DMTN: variants seen among roughly 807,000 people sequenced by gnomAD.
DMTN encodes the protein dematin actin binding protein.
DMTN carries 27 observed loss-of-function variants against 59.4 expected under a neutral mutation model. That is an observed-to-expected ratio of 0.45 (90% CI 0.33 to 0.63). The LOEUF is 0.63. Ranked by LOEUF, DMTN falls within the 20% of genes least tolerant of loss-of-function variation. DMTN has a pLI of 0.02. For synonymous variants in DMTN, 221 were observed against 203.7 expected (o/e 1.08, Z -0.72); for missense variants, 451 against 528.9 (o/e 0.85, Z 1.45).
rs1803803290 is a variant in DMTN at position 22,058,192 on chromosome 8, C to T, written c.-172+1056C>T. On this transcript the variant is annotated intron_variant, in intron 1 of 15. Coordinates refer to ENST00000358242, the MANE Select transcript of DMTN (RefSeq NM_001387751.1). The surrounding 1 kb of genome is among the most constrained non-coding windows in gnomAD (Gnocchi z 4.3). ...CAGCGCGGGCGCTTCTGCCTGTGCCCACCTGTCCATCTTGTGTCCGTGCTG... is the reference window on the plus strand; with the variant it reads ...CAGCGCGGGCGCTTCTGCCTGTGCCTACCTGTCCATCTTGTGTCCGTGCTG... 6.6e-6 allele frequency among the ~76,000 whole-genome samples: 1 copy of T among 152,094 alleles called. No individual in the cohort carries two copies. The highest frequency in any genetic ancestry group is 2.1e-4 in the South Asian group (1 of 4,814).
At chr8:22,057,659 A>AGGCT (rs2130225147) in intron 1 of DMTN, among the ~76,000 whole-genome samples, 1 of 152,134 alleles carries the variant, frequency 6.6e-6, no homozygotes, top group South Asian at 2.1e-4. Context: ...GTGAAGAGTG[A>AGGCT]GGCTGTGGCA....
intron 14 of DMTN, 72 bp downstream of exon 14, chr8:22,080,942 C>T (rs1375824752): frequency 4.0e-6 from 6 of 1,513,000 alleles, no homozygotes; most frequent in Non-Finnish European, 4.5e-6. Context: ...GTGGAATGTG[C>T]TGCGGGGTCT....
intron 1 of DMTN, among the ~76,000 whole-genome samples, chr8:22,064,740 G>A (rs1018245819): frequency 6.6e-6 from 1 of 152,188 alleles, no homozygotes; most frequent in East Asian, 1.9e-4. Context: ...TTACAGGTGT[G>A]AGCCACCGCG....
upstream of DMTN, among the ~76,000 whole-genome samples, chr8:22,051,058 T>G (rs1219838692): frequency 1.3e-5 from 2 of 152,174 alleles, no homozygotes; most frequent in Non-Finnish European, 1.5e-5. Context: ...CACACCTGGC[T>G]TCAGCAACCC....
In DMTN at chr8:22,067,531, A is replaced by G; in HGVS notation, c.98A>G (p.Lys33Arg). 6.2e-7 allele frequency: 1 copy of G among 1,614,210 alleles called. No individual in the cohort carries two copies. Among genetic ancestry groups the G allele is most frequent in the Non-Finnish European group, 8.5e-7 (1 of 1,180,028 alleles). Reference sequence around the variant, plus strand: ...CACGCGCACCTTTCCCTTCAGGCCAAGATGGACAATCAGGTGCTGGGCTAC... The same window carrying G: ...CACGCGCACCTTTCCCTTCAGGCCAGGATGGACAATCAGGTGCTGGGCTAC... Reference protein sequence around the residue: ...VPGSPSSIVAKMDNQVLGYKD... With the variant: ...VPGSPSSIVARMDNQVLGYKD... Residue 33 changes from lysine (K) to arginine (R), a missense_variant, in exon 4 of 16, where the codon AAG becomes AGG. Physicochemically the swap from Lys to Arg is conservative, Grantham distance 26. Transcript: ENST00000358242.
At chr8:22,049,258 C>G (rs1417459803), upstream of DMTN, 368 of 120,552 alleles carry the variant, frequency 3.1e-3, 2 homozygotes, top group African/African-American at 0.011. Context: ...CGGGGTTGGG[C>G]GGCCGGAAGG....
Position 22,081,351 on chromosome 8 carries a change from G to A in DMTN, c.1106G>A (p.Arg369Lys). ...AGCTGCCCCGATTCCCCCATGTAGA[G>A]GCATCTGTCTGCCGAGGACTTCTCA... ...PPGVDRMRLE[R>K]HLSAEDFSRV... The change falls in exon 16 of 16, where the codon AGG (arginine) becomes AAG (lysine). Residue 369 changes from arginine (R) to lysine (K), a missense_variant and splice_region_variant. Physicochemically the swap from Arg to Lys is conservative, Grantham distance 26 (BLOSUM62 2). Transcript: ENST00000358242. 6.2e-7 allele frequency: 1 copy of A among 1,613,948 alleles called. No individual in the cohort carries two copies. The highest frequency in any genetic ancestry group is 1.1e-5 in the South Asian group (1 of 91,086).
upstream of DMTN, among the ~76,000 whole-genome samples, chr8:22,050,418 C>T (rs1053872481): frequency 1.3e-5 from 2 of 152,162 alleles, no homozygotes; most frequent in African/African-American, 4.8e-5. Context: ...CCCGCTAGCC[C>T]GGCTCTCCGG....
upstream of DMTN, among the ~76,000 whole-genome samples, chr8:22,049,445 G>A (rs1205829971): frequency 3.3e-5 from 5 of 151,896 alleles, no homozygotes; most frequent in Admixed American, 2.6e-4. Flanking sequence ...CAGCTTCTCC[G>A]GTGGGCTTTC....
In DMTN at chr8:22,081,104, C is replaced by T. The variant is rs376270530; in HGVS notation, c.1024-9C>T. On this transcript the variant is annotated splice_polypyrimidine_tract_variant and intron_variant, in intron 14 of 15. Transcript: ENST00000358242. Reference sequence around the variant, plus strand: ...GTGAGCCTAAGATTGCCCCTCCCCCCACCCCCAGATCTATCCCTATGAAAT... The same window carrying T: ...GTGAGCCTAAGATTGCCCCTCCCCCTACCCCCAGATCTATCCCTATGAAAT... 17 of 984,338 alleles carry T rather than the reference C, an allele frequency of 1.7e-5. No homozygotes were observed. Among genetic ancestry groups the T allele is most frequent in the Non-Finnish European group, 1.2e-5 (8 of 646,258 alleles). The allele number at this position is 984,338 out of a possible 1,614,324, so 61.0% of individuals were successfully genotyped here.
rs1025465622 is a variant in DMTN at position 22,082,026 on chromosome 8, G to T, written c.*563G>T. ...GCCCTGACCTCCGCTCGCAAACCCCGAGCTTCCAAGCCTTTTGCTCCAGCC... is the reference window on the plus strand; with the variant it reads ...GCCCTGACCTCCGCTCGCAAACCCCTAGCTTCCAAGCCTTTTGCTCCAGCC... On this transcript the variant is annotated 3_prime_UTR_variant, in exon 16 of 16. Coordinates refer to ENST00000358242, the MANE Select transcript of DMTN (RefSeq NM_001387751.1). 4.4e-6 allele frequency: 2 copies of T among 456,776 alleles called. No homozygotes were observed. The highest frequency in any genetic ancestry group is 8.8e-6 in the Non-Finnish European group (2 of 227,016). 28.3% of individuals were successfully genotyped at this position (456,776 alleles called of 1,614,324 possible). A position where few individuals can be genotyped will look rare whatever the true frequency, so the allele number is the denominator to read the frequency against.
At chr8:22,076,033 G>A (rs778504427) in intron 10 of DMTN, among the ~76,000 whole-genome samples, 2 of 152,200 alleles carry the variant, frequency 1.3e-5, no homozygotes, top group Admixed American at 6.5e-5. Context: ...GTGGCTGATT[G>A]GACGTGGGAG....
At position 22,082,215 on chromosome 8, in the gene DMTN, G is replaced by A. The variant is rs544130595; in HGVS notation, c.*752G>A. On this transcript the variant is annotated 3_prime_UTR_variant, in exon 16 of 16. Coordinates refer to ENST00000358242, the MANE Select transcript of DMTN (RefSeq NM_001387751.1). The stretch of plus-strand genomic sequence containing the variant: ...CCCTTGGATGGGGTCAAGAGGCCAG[G>A]CCTGGCACATTTTGGAGTGTCCTGG... 1.3e-5 allele frequency: 6 copies of A among 456,936 alleles called. No homozygotes were observed. The East Asian group carries it at 2.1e-4, about 16-fold the overall frequency. 28.3% of individuals were successfully genotyped at this position (456,936 alleles called of 1,614,324 possible).
intron 10 of DMTN, 42 bp from the exon 11 acceptor site, chr8:22,080,138 G>A (rs1291821530): frequency 1.2e-6 from 2 of 1,612,520 alleles, no homozygotes; most frequent in Non-Finnish European, 1.7e-6. Flanking sequence ...AGGGCTGTCA[G>A]GGCCAAAGGG....
upstream of DMTN, among the ~76,000 whole-genome samples, chr8:22,051,383 C>T (rs1220410852): frequency 1.3e-5 from 2 of 152,200 alleles, no homozygotes; most frequent in African/African-American, 4.8e-5. Context: ...CTTTAGGCCA[C>T]ACAAACTGGT....
intron 10 of DMTN, among the ~76,000 whole-genome samples, chr8:22,079,120 G>A (rs1822006336): frequency 6.6e-6 from 1 of 151,070 alleles, no homozygotes; most frequent in South Asian, 2.1e-4. Flanking sequence ...TTTAAAATTT[G>A]ATTACTAGGC....
At chr8:22,078,942 G>A (rs1314048683) in intron 10 of DMTN, among the ~76,000 whole-genome samples, 1 of 151,518 alleles carries the variant, frequency 6.6e-6, no homozygotes, top group Non-Finnish European at 1.5e-5. Flanking sequence ...GACTACAGGT[G>A]CCTGCTACCA....
chr8:22,070,098 C>G, intron 7 of DMTN, 84 bp from the exon 8 acceptor site: 5 of 1,553,998 alleles, frequency 3.2e-6, no homozygotes, highest in Non-Finnish European at 4.4e-6. Flanking sequence ...TGCAGGACCT[C>G]ACAGGTGTGA....
At chr8:22,069,817 T>G in intron 6 of DMTN, 64 bp from the exon 7 acceptor site, 1 of 1,571,114 alleles carries the variant, frequency 6.4e-7, no homozygotes, top group African/African-American at 1.4e-5. Flanking sequence ...TCATCTCCAT[T>G]CTCCTGGCCC....
Sources: allele counts gnomAD v4.1 joint callset (sites outside exome capture counted in the v4.1 genomes callset), GRCh38; gene constraint gnomAD v4.1.1; non-coding constraint Gnocchi (gnomAD v3.1); transcripts MANE v1.5; gene names NCBI Gene and HGNC (gene_info 2026-07-23, HGNC 2026-07-21).